STPG4: variants seen among roughly 807,000 people sequenced by gnomAD.
The protein encoded by STPG4 is protein STPG4.
STPG4 carries 41 observed loss-of-function variants against 31.5 expected under a neutral mutation model. The observed-to-expected ratio is 1.30, with a 90% CI of 1.01 to 1.69. The LOEUF is 1.69. Among genes scored for constraint, STPG4 ranks in the 40% most tolerant of loss-of-function variants. The pLI, the probability that STPG4 is intolerant of heterozygous loss-of-function variation, is 0.00. For missense variants in STPG4, 375 were observed against 293.4 expected (o/e 1.28, Z -2.03); for synonymous variants, 141 against 103.0 (o/e 1.37, Z -2.24).
At chr2:47,151,662 A>G (rs1489838695) in intron 2 of STPG4, 147 bp from the exon 3 acceptor site, 8 of 658,254 alleles carry the variant, frequency 1.2e-5, no homozygotes, top group East Asian at 8.0e-5. Context: ...CACTCTTGAC[A>G]GAAGAGTATT....
chr2:47,131,954 C>T (rs939501520), intron 3 of STPG4, among the ~76,000 whole-genome samples: 1 of 152,136 alleles, frequency 6.6e-6, no homozygotes, highest in Non-Finnish European at 1.5e-5. Flanking sequence ...TGCTTGAGGT[C>T]AGAAGTTCAA....
chr2:47,110,977 G>A (rs1686024510), intron 5 of STPG4, among the ~76,000 whole-genome samples: 1 of 152,102 alleles, frequency 6.6e-6, no homozygotes, highest in Non-Finnish European at 1.5e-5. Flanking sequence ...AACTCTTATA[G>A]CCACATTTGA....
intron 3 of STPG4, among the ~76,000 whole-genome samples, chr2:47,150,262 A>G (rs1047790342): frequency 3.3e-5 from 5 of 152,220 alleles, no homozygotes; most frequent in Admixed American, 2.6e-4. Context: ...CTTTTAATCC[A>G]GCCTCCTTTG....
chr2:47,146,672 C>T (rs1686826875), intron 3 of STPG4, among the ~76,000 whole-genome samples: 1 of 152,032 alleles, frequency 6.6e-6, no homozygotes, highest in Admixed American at 6.6e-5. Context: ...TGTTCATAGC[C>T]TTGAGTGAGA....
chr2:47,088,404 A>G (rs1178381743), intron 6 of STPG4, among the ~76,000 whole-genome samples: 1 of 152,242 alleles, frequency 6.6e-6, no homozygotes, highest in East Asian at 1.9e-4. Context: ...TTGAGACACC[A>G]GTGTAATGGT....
Position 47,148,519 on chromosome 2 carries a change from C to CTTTA in STPG4, c.399+2735_399+2738dup, listed in dbSNP as rs569229594. On this transcript the variant is annotated intron_variant, in intron 3 of 6. Coordinates refer to ENST00000445927, the MANE Select transcript of STPG4 (RefSeq NM_001163561.2). ...ATAAAGATACTAAAAATAGTGAAAA[C>CTTTA]TTTATTTATTTATTTATTTATATTA... 2.1e-3 allele frequency among the ~76,000 whole-genome samples: 322 copies of CTTTA among 151,810 alleles called. 2 individuals are homozygous for CTTTA. The highest frequency in any genetic ancestry group is 3.5e-3 in the Non-Finnish European group (238 of 67,958).
At chr2:47,141,128 C>G (rs924384593) in intron 3 of STPG4, among the ~76,000 whole-genome samples, 2 of 152,060 alleles carry the variant, frequency 1.3e-5, no homozygotes, top group Admixed American at 1.3e-4. Flanking sequence ...CTCAAGTGAT[C>G]TGCCCCCCTC....
intron 3 of STPG4, among the ~76,000 whole-genome samples, chr2:47,138,779 AC>A (rs1269571018): frequency 6.6e-6 from 1 of 152,056 alleles, no homozygotes; most frequent in Non-Finnish European, 1.5e-5. Flanking sequence ...CGATCTCTTG[AC>A]CTTGTGATCT....
At chr2:47,101,331 C>T (rs1385017378) in intron 5 of STPG4, among the ~76,000 whole-genome samples, 1 of 151,682 alleles carries the variant, frequency 6.6e-6, no homozygotes, top group East Asian at 1.9e-4. Context: ...CGAGGGTTGA[C>T]AGAGAGGAAA....
intron 3 of STPG4, among the ~76,000 whole-genome samples, chr2:47,135,494 C>G (rs942372960): frequency 2.6e-5 from 4 of 152,130 alleles, no homozygotes; most frequent in African/African-American, 9.7e-5. Context: ...TCAAACGATT[C>G]TCCTGCTTCA....
chr2:47,127,252 C>CTTTTTTT lies in STPG4; in HGVS notation c.519+2682_519+2688dup, dbSNP rs57475505. Among the ~76,000 whole-genome samples, 143 of 57,468 alleles carry CTTTTTTT rather than the reference C, an allele frequency of 2.5e-3. 30 individuals carry two copies. The highest frequency in any genetic ancestry group is 8.1e-3 in the African/African-American group (78 of 9,674). 37.7% of individuals were successfully genotyped at this position (57,468 alleles called of 152,430 possible). On this transcript the variant is annotated intron_variant, in intron 5 of 6. Coordinates refer to ENST00000445927, the MANE Select transcript of STPG4 (RefSeq NM_001163561.2). ...CAAATAGCTTGTCTTCAAGCTAATT[C>CTTTTTTT]TTTTTTTTTTTTTTTTTTTTTTTTT... is the stretch of plus-strand genomic sequence containing the variant.
rs761983181 is a variant in STPG4 at position 47,151,520 on chromosome 2, G to A, written c.142-5C>T. The stretch of plus-strand genomic sequence containing the variant: ...AGTGCCAGGTATAGGAGTATCCTGT[G>A]GAAAATTGACATCAGTTTTAAGATT... On this transcript the variant is annotated splice_polypyrimidine_tract_variant and splice_region_variant and intron_variant, in intron 2 of 6. Coordinates refer to ENST00000445927, the MANE Select transcript of STPG4 (RefSeq NM_001163561.2). 5 of 1,611,646 alleles carry A rather than the reference G, an allele frequency of 3.1e-6. No homozygotes were observed. Among genetic ancestry groups the A allele is most frequent in the Non-Finnish European group, 4.2e-6 (5 of 1,178,840 alleles).
At position 47,087,097 on chromosome 2, in the gene STPG4, T is replaced by C. The variant is rs1463538921; in HGVS notation, c.658A>G (p.Arg220Gly). Residue 220 changes from arginine (R) to glycine (G), a missense_variant, in exon 7 of 7, where the codon AGA becomes GGA. Transcript: ENST00000445927. ...TPGPGAYTTLRQFPKQSPTIA... is the reference protein window; with the variant it reads ...TPGPGAYTTLGQFPKQSPTIA... ...GTCGGAGACTGCTTAGGGAATTGTC[T>C]TAAAGTTGTATATGCTCCTGGGCCT... 1.9e-6 allele frequency: 3 copies of C among 1,551,700 alleles called. No homozygotes were observed. Among genetic ancestry groups the C allele is most frequent in the African/African-American group, 1.4e-5 (1 of 73,058 alleles).
At position 47,155,057 on chromosome 2, in the gene STPG4, A is replaced by G; in HGVS notation, c.81+114T>C. The G allele has an allele frequency of 5.5e-6, 5 of 902,040 alleles. No individual in the cohort carries two copies. The Admixed American group carries it at 1.0e-4, about 18-fold the overall frequency. The allele number at this position is 902,040 out of a possible 1,614,324, so 55.9% of individuals were successfully genotyped here. Reference sequence around the variant, plus strand: ...TGCGTGAGGGCAGGGAGAGAAGGGTAGGAAGAGGGAACGAGAGCGGCACGA... The same window carrying G: ...TGCGTGAGGGCAGGGAGAGAAGGGTGGGAAGAGGGAACGAGAGCGGCACGA... On this transcript the variant is annotated intron_variant, in intron 1 of 6. Transcript: ENST00000445927.
At chr2:47,129,864 C>A (rs1290303492) in intron 5 of STPG4, 77 bp downstream of exon 5, 1 of 1,578,800 alleles carries the variant, frequency 6.3e-7, no homozygotes, top group Non-Finnish European at 8.6e-7. Flanking sequence ...TATGTGGCCA[C>A]CTTGCTCCAC....
At chr2:47,088,143 G>C (rs561660646) in intron 6 of STPG4, among the ~76,000 whole-genome samples, 2 of 150,838 alleles carry the variant, frequency 1.3e-5, no homozygotes, top group East Asian at 3.9e-4. Context: ...GCAGTGGCAG[G>C]ACCTCAGCTC....
chr2:47,118,597 G>T (rs1271010652), intron 5 of STPG4, among the ~76,000 whole-genome samples: 1 of 152,156 alleles, frequency 6.6e-6, no homozygotes, highest in Non-Finnish European at 1.5e-5. Context: ...CAAAAAGGTT[G>T]GGGACCGCTG....
intron 6 of STPG4, among the ~76,000 whole-genome samples, chr2:47,088,368 C>G (rs966961612): frequency 7.2e-5 from 11 of 152,210 alleles, no homozygotes; most frequent in Non-Finnish European, 1.2e-4. Context: ...GTGGCACATG[C>G]ACATATTCTT....
At chr2:47,138,185 T>A (rs1020483595) in intron 3 of STPG4, among the ~76,000 whole-genome samples, 3 of 152,202 alleles carry the variant, frequency 2.0e-5, no homozygotes, top group Non-Finnish European at 4.4e-5. Context: ...TCACTTCCAC[T>A]TAGTTCAAAG....
Sources: gnomAD v4.1 joint callset for allele counts (sites outside exome capture counted in the v4.1 genomes callset) on GRCh38, gnomAD v4.1.1 for gene constraint, MANE v1.5 for transcripts, NCBI Gene and HGNC (gene_info 2026-07-23, HGNC 2026-07-21) for gene names.